The following PSMA1 variants were observed in gnomAD, a reference collection of about 807,000 sequenced individuals.
PSMA1 encodes proteasome 20S subunit alpha 1, also known as proteasome subunit alpha type-1.
PSMA1 carries 3 observed loss-of-function variants against 38.4 expected under a neutral mutation model. That is an observed-to-expected ratio of 0.08 (90% CI 0.04 to 0.20). The LOEUF is 0.20. PSMA1 is among the 10% of genes least tolerant of loss of function. The probability of loss-of-function intolerance (pLI) is 1.00; values close to 1 mark genes in which losing one functional copy is unlikely to be tolerated. For missense variants in PSMA1, 227 were observed against 325.3 expected, an observed-to-expected ratio of 0.70 and a Z score of 2.32; for synonymous variants, 101 against 107.1, an observed-to-expected ratio of 0.94 and a Z score of 0.35.
intron 5 of PSMA1, 117 bp from the exon 6 acceptor site, chr11:14,514,004 G>C: frequency 7.3e-7 from 1 of 1,360,920 alleles, no homozygotes; most frequent in Non-Finnish European, 9.5e-7. Flanking sequence ...TAATCCACCA[G>C]AGAAATAATG....
chr11:14,622,880 A>G (rs7931291), intron 1 of PSMA1, among the ~76,000 whole-genome samples: 94,828 of 152,016 alleles, frequency 0.62, 30,096 homozygotes, highest in African/African-American at 0.73. Flanking sequence ...GAATAACAAC[A>G]TAGGGCCCTG....
chr11:14,571,947 T>C (rs1852147600), intron 2 of PSMA1, among the ~76,000 whole-genome samples: 1 of 152,168 alleles, frequency 6.6e-6, no homozygotes, highest in African/African-American at 2.4e-5. Flanking sequence ...AGGGATTAAT[T>C]CAACAAGAAG....
At chr11:14,571,927 A>C (rs950013915) in intron 2 of PSMA1, among the ~76,000 whole-genome samples, 6 of 152,236 alleles carry the variant, frequency 3.9e-5, no homozygotes, top group African/African-American at 1.4e-4. Flanking sequence ...AGGCCATTAC[A>C]TAATGGTAAA....
chr11:14,595,657 A>G (rs545113898), intron 2 of PSMA1, among the ~76,000 whole-genome samples: 202 of 152,228 alleles, frequency 1.3e-3, no homozygotes, highest in South Asian at 6.2e-3. Flanking sequence ...TTTGTCAGAT[A>G]GGTAGATTGT....
upstream of PSMA1, among the ~76,000 whole-genome samples, chr11:14,522,144 AGAT>A (rs1851538037): frequency 6.6e-6 from 1 of 152,238 alleles, no homozygotes; most frequent in South Asian, 2.1e-4. Context: ...TTTAAAAATA[AGAT>A]GATACTGTTT....
intron 1 of PSMA1, among the ~76,000 whole-genome samples, chr11:14,632,755 A>G (rs1473849318): frequency 6.7e-6 from 1 of 150,072 alleles, no homozygotes; most frequent in African/African-American, 2.5e-5. Context: ...AATATCCTGC[A>G]GAGTGTTTTC....
chr11:14,588,995 T>A (rs1302961001), intron 2 of PSMA1, among the ~76,000 whole-genome samples: 1 of 152,218 alleles, frequency 6.6e-6, no homozygotes, highest in Non-Finnish European at 1.5e-5. Flanking sequence ...TTCCTTTTAC[T>A]TACCCTCCTT....
In PSMA1 at chr11:14,581,734, T is replaced by A. The variant is rs549484797; in HGVS notation, c.21+29232A>T. Reference sequence around the variant, plus strand: ...TCTGTCTGAAAAGCCCAGGATTATCTGTAGTAACTTCAGTATTGTTTCAGG... The same window carrying A: ...TCTGTCTGAAAAGCCCAGGATTATCAGTAGTAACTTCAGTATTGTTTCAGG... On this transcript the variant is annotated intron_variant, in intron 2 of 10. Transcript: ENST00000418988. Among the ~76,000 whole-genome samples, 3 of 152,334 alleles carry A rather than the reference T, an allele frequency of 2.0e-5. No homozygotes were observed. The East Asian group carries it at 5.8e-4, about 29-fold the overall frequency.
chr11:14,575,620 T>A (rs1852203555), intron 2 of PSMA1, among the ~76,000 whole-genome samples: 1 of 152,224 alleles, frequency 6.6e-6, no homozygotes. Flanking sequence ...TAGTATTCCA[T>A]GGTGTATATG....
intron 2 of PSMA1, among the ~76,000 whole-genome samples, chr11:14,549,315 G>C (rs1565042360): frequency 1.3e-5 from 2 of 152,132 alleles, no homozygotes; most frequent in African/African-American, 4.8e-5. Context: ...TAAGTAGGTT[G>C]AAAGGCTTCT....
intron 1 of PSMA1, among the ~76,000 whole-genome samples, chr11:14,617,814 G>C (rs1473823227): frequency 6.6e-6 from 1 of 152,018 alleles, no homozygotes; most frequent in African/African-American, 2.4e-5. Flanking sequence ...GGAATCAGGA[G>C]AGGTGTAAGG....
chr11:14,619,436 C>T (rs1852814191), intron 1 of PSMA1, among the ~76,000 whole-genome samples: 2 of 150,562 alleles, frequency 1.3e-5, no homozygotes, highest in Non-Finnish European at 3.0e-5. Flanking sequence ...GAGATCCTGT[C>T]TCAAAAAAAA....
At chr11:14,513,310 A>C (rs2134145597) in intron 7 of PSMA1, 1 of 296,266 alleles carries the variant, frequency 3.4e-6, no homozygotes, top group East Asian at 6.5e-5. Context: ...ACTTCTGACC[A>C]AATGAATCAA....
chr11:14,573,195 C>CA (rs1852167912), intron 2 of PSMA1, among the ~76,000 whole-genome samples: 1 of 152,160 alleles, frequency 6.6e-6, no homozygotes, highest in Non-Finnish European at 1.5e-5. Flanking sequence ...CCAAGCCTGG[C>CA]AGAGACACAA....
At chr11:14,556,574 T>G (rs1374084187) in intron 2 of PSMA1, among the ~76,000 whole-genome samples, 2 of 152,208 alleles carry the variant, frequency 1.3e-5, no homozygotes, top group African/African-American at 4.8e-5. Flanking sequence ...TTTGAGAAAC[T>G]ACCATGTGTA....
At chr11:14,543,600 C>G (rs545525714) in intron 2 of PSMA1, among the ~76,000 whole-genome samples, 70 of 151,512 alleles carry the variant, frequency 4.6e-4, no homozygotes, top group African/African-American at 1.7e-3. Context: ...AATATAATAA[C>G]ACCAAGGTCT....
intron 2 of PSMA1, among the ~76,000 whole-genome samples, chr11:14,601,138 A>T (rs1182047962): frequency 6.6e-6 from 1 of 152,184 alleles, no homozygotes; most frequent in African/African-American, 2.4e-5. Flanking sequence ...TTCAGGAGTA[A>T]GGAGCCAAAC....
At chr11:14,526,000 G>T (rs1851582192) in intron 2 of PSMA1, among the ~76,000 whole-genome samples, 1 of 152,022 alleles carries the variant, frequency 6.6e-6, no homozygotes, top group South Asian at 2.1e-4. Context: ...TTCTCCAAAG[G>T]ATATCGGGTA....
intron 2 of PSMA1, among the ~76,000 whole-genome samples, chr11:14,601,554 C>T (rs1852580148): frequency 6.6e-6 from 1 of 152,106 alleles, no homozygotes; most frequent in Non-Finnish European, 1.5e-5. Context: ...GAGCTGGTAA[C>T]TCTGGGTGAA....
Sources: gnomAD v4.1 joint callset for allele counts (sites outside exome capture counted in the v4.1 genomes callset) on GRCh38, gnomAD v4.1.1 for gene constraint, MANE v1.5 for transcripts, NCBI Gene and HGNC (gene_info 2026-07-23, HGNC 2026-07-21) for gene names.